VMA22: variants seen among roughly 807,000 people sequenced by gnomAD.
VMA22 encodes the protein vacuolar ATPase assembly factor VMA22.
the VMA22 span, chr2:130,339,892 A>G: frequency 3.4e-6 from 4 of 1,172,998 alleles, no homozygotes; most frequent in Non-Finnish European, 3.3e-6. Context: ...GTTTGTGTCA[A>G]AAACTTTGGA....
chr2:130,341,706 C>T, the VMA22 span: 2 of 1,611,734 alleles, frequency 1.2e-6, no homozygotes, highest in Non-Finnish European at 1.7e-6. Flanking sequence ...GCGTGGACAC[C>T]AGCTCTCACC....
At chr2:130,339,293 T>A in the VMA22 span, 1 of 1,485,104 alleles carries the variant, frequency 6.7e-7, no homozygotes, top group Non-Finnish European at 9.3e-7. Context: ...CCCAGGAGGA[T>A]CTGGATATCC....
the VMA22 span, chr2:130,341,538 A>G: frequency 1.3e-6 from 1 of 789,836 alleles, no homozygotes; most frequent in Non-Finnish European, 2.0e-6. Context: ...ACCACCCTAC[A>G]AAAACATTCT....
At chr2:130,341,567 GCTCT>G in the VMA22 span, 1 of 976,668 alleles carries the variant, frequency 1.0e-6, no homozygotes, top group South Asian at 1.5e-5. Flanking sequence ...GCTCTGGGAT[GCTCT>G]CTCTTATCGC....
At chr2:130,339,291 G>T in the VMA22 span, 2 of 1,479,694 alleles carry the variant, frequency 1.4e-6, no homozygotes, top group African/African-American at 1.4e-5. Flanking sequence ...GACCCAGGAG[G>T]ATCTGGATAT....
At chr2:130,340,957 T>G in the VMA22 span, 8 of 1,613,852 alleles carry the variant, frequency 5.0e-6, no homozygotes. Flanking sequence ...GAACTAGGAT[T>G]CCAAACCAGT....
chr2:130,342,125 T>G, the VMA22 span: 1 of 1,613,514 alleles, frequency 6.2e-7, no homozygotes, highest in Non-Finnish European at 8.5e-7. Flanking sequence ...AGCGCCGCCA[T>G]GGACACACCT....
chr2:130,342,251 G>A, the VMA22 span: 1 of 1,538,544 alleles, frequency 6.5e-7, no homozygotes, highest in Non-Finnish European at 8.8e-7. Flanking sequence ...CACGCCGGCA[G>A]CACCAAGGCC....
At chr2:130,342,075 C>A in the VMA22 span, 1 of 1,613,948 alleles carries the variant, frequency 6.2e-7, no homozygotes, top group Non-Finnish European at 8.5e-7. Flanking sequence ...GGTCCCCAAG[C>A]AGCTGCAGGA....
chr2:130,341,550 TTCTTC>T, the VMA22 span: 1 of 846,264 alleles, frequency 1.2e-6, no homozygotes, highest in Admixed American at 2.8e-5. Context: ...AAACATTCTG[TTCTTC>T]TGCTCTGGGA....
chr2:130,341,090 T>G, the VMA22 span: 1 of 1,514,814 alleles, frequency 6.6e-7, no homozygotes, highest in Non-Finnish European at 8.8e-7. Flanking sequence ...CTGACCTTTA[T>G]CATCTTGGTG....
At chr2:130,341,564 G>T in the VMA22 span, 1 of 950,180 alleles carries the variant, frequency 1.1e-6, no homozygotes, top group Non-Finnish European at 1.6e-6. Context: ...TCTGCTCTGG[G>T]ATGCTCTCTC....
At chr2:130,339,307 GA>G in the VMA22 span, 10 of 1,440,926 alleles carry the variant, frequency 6.9e-6, no homozygotes, top group East Asian at 2.2e-4. Flanking sequence ...GATATCCCCA[GA>G]AATTGGAAAG....
the VMA22 span, chr2:130,340,869 G>C: frequency 6.2e-7 from 1 of 1,612,842 alleles, no homozygotes; most frequent in South Asian, 1.1e-5. Context: ...TGGATAGAGG[G>C]TCTGAGGGCC....
chr2:130,340,016 G>A, the VMA22 span: 23 of 327,778 alleles, frequency 7.0e-5, no homozygotes, highest in East Asian at 1.7e-3. Context: ...GCAGGGCGTC[G>A]GTGGATACCA....
the VMA22 span, chr2:130,341,593 T>G: frequency 4.5e-4 from 581 of 1,290,054 alleles, 7 homozygotes; most frequent in Middle Eastern, 2.2e-3. Flanking sequence ...AAAACCTAAT[T>G]TAAATCATCT....
chr2:130,339,165 C>T, the VMA22 span: 3 of 1,614,170 alleles, frequency 1.9e-6, no homozygotes, highest in South Asian at 2.2e-5. Context: ...CTTGGAGTCC[C>T]CGGAGCTGGC....
the VMA22 span, chr2:130,338,919 A>G: frequency 1.7e-6 from 1 of 573,392 alleles, no homozygotes; most frequent in Non-Finnish European, 3.1e-6. Context: ...AATGGTTTCA[A>G]AGTAGTGGCT....
At chr2:130,340,595 C>T in the VMA22 span, 1 of 379,450 alleles carries the variant, frequency 2.6e-6, no homozygotes, top group Non-Finnish European at 5.0e-6. Context: ...TTTTTCATAA[C>T]AATTTTCACA....
Sources: allele counts gnomAD v4.1 joint callset, GRCh38; gene constraint gnomAD v4.1.1; transcripts MANE v1.5; gene names NCBI Gene and HGNC (gene_info 2026-07-23, HGNC 2026-07-21).